Variants in PPFIA2 observed in about 807,000 individuals in gnomAD.
PPFIA2 encodes liprin-alpha-2.
In PPFIA2, 46 loss-of-function variants were observed where a neutral mutation model predicts 175.5. That is an observed-to-expected ratio of 0.26 (90% CI 0.21 to 0.34). The LOEUF (loss-of-function observed/expected upper bound fraction) is 0.34. Among genes scored for constraint, PPFIA2 ranks in the 10% least tolerant of loss-of-function variants. PPFIA2 has a pLI of 1.00. For synonymous variants in PPFIA2, 568 were observed against 511.4 expected, an observed-to-expected ratio of 1.11 and a Z score of -1.49; for missense variants, 1,179 against 1,506.1, an observed-to-expected ratio of 0.78 and a Z score of 3.60.
At chr12:81,746,596 G>C (rs2083098670) in intron 3 of PPFIA2, among the ~76,000 whole-genome samples, 1 of 144,088 alleles carries the variant, frequency 6.9e-6, no homozygotes. Context: ...CTTTTTTGTT[G>C]TTAATTGTAC....
chr12:81,684,885 A>G (rs1408885028), intron 3 of PPFIA2, among the ~76,000 whole-genome samples: 1 of 152,104 alleles, frequency 6.6e-6, no homozygotes, highest in Non-Finnish European at 1.5e-5. Flanking sequence ...GGAAAAATGC[A>G]AAATTATTTA....
chr12:81,497,087 T>A (rs1594015631), intron 4 of PPFIA2, among the ~76,000 whole-genome samples: 1 of 152,332 alleles, frequency 6.6e-6, no homozygotes, highest in East Asian at 1.9e-4. Flanking sequence ...TCAACATATA[T>A]GTCCTAACTC....
intron 7 of PPFIA2, among the ~76,000 whole-genome samples, chr12:81,420,668 T>A (rs977228404): frequency 1.3e-5 from 2 of 151,874 alleles, no homozygotes; most frequent in African/African-American, 2.4e-5. Flanking sequence ...ATCATATCTA[T>A]GGAACACCAT....
chr12:81,304,045 T>G (rs769633488), intron 22 of PPFIA2, among the ~76,000 whole-genome samples: 4 of 152,194 alleles, frequency 2.6e-5, no homozygotes, highest in Non-Finnish European at 4.4e-5. Context: ...TGCCATCACA[T>G]GCCTCCCTGC....
At chr12:81,688,802 A>ATATATATAT (rs5799549) in intron 3 of PPFIA2, among the ~76,000 whole-genome samples, 1 of 140,784 alleles carries the variant, frequency 7.1e-6, no homozygotes. Flanking sequence ...TGGTTTATTA[A>ATATATATAT]ATATATATAT....
chr12:81,437,765 A>G lies in PPFIA2; in HGVS notation c.645+2207T>C, dbSNP rs372267420. Among the ~76,000 whole-genome samples the G allele has an allele frequency of 3.0e-4, 45 of 152,290 alleles. 1 individual carries two copies. Among genetic ancestry groups the G allele is most frequent in the African/African-American group, 1.0e-3 (43 of 41,564 alleles). On this transcript the variant is annotated intron_variant, in intron 7 of 32. Coordinates refer to ENST00000549396, the MANE Select transcript of PPFIA2 (RefSeq NM_003625.5). ...TTAACATTAATAAAATATAATATGAATACACATTTTACGTTTTTTTCTGAT... is the reference window on the plus strand; with the variant it reads ...TTAACATTAATAAAATATAATATGAGTACACATTTTACGTTTTTTTCTGAT...
At chr12:81,704,817 C>T (rs1377380827) in intron 3 of PPFIA2, among the ~76,000 whole-genome samples, 2 of 151,824 alleles carry the variant, frequency 1.3e-5, no homozygotes, top group Non-Finnish European at 2.9e-5. Context: ...GGCACGGTGG[C>T]TCATACCTGT....
chr12:81,461,239 G>A (rs1371255546), intron 4 of PPFIA2, among the ~76,000 whole-genome samples: 1 of 151,934 alleles, frequency 6.6e-6, no homozygotes, highest in Non-Finnish European at 1.5e-5. Context: ...TAACTCCATC[G>A]ACTCCCTATT....
chr12:81,462,979 G>T (rs145320903), intron 4 of PPFIA2, among the ~76,000 whole-genome samples: 1 of 152,076 alleles, frequency 6.6e-6, no homozygotes, highest in African/African-American at 2.4e-5. Flanking sequence ...GAAAGTATGT[G>T]TTTAACTAAT....
At chr12:81,272,494 CT>C (rs1253685883) in intron 28 of PPFIA2, among the ~76,000 whole-genome samples, 2 of 151,938 alleles carry the variant, frequency 1.3e-5, no homozygotes, top group Non-Finnish European at 2.9e-5. Context: ...AGTCTTTATA[CT>C]TTTCACTTCT....
chr12:81,641,555 C>A (rs769434239), intron 4 of PPFIA2, among the ~76,000 whole-genome samples: 3 of 152,076 alleles, frequency 2.0e-5, no homozygotes, highest in African/African-American at 7.2e-5. Context: ...TCTGGAGCCA[C>A]GGGCCACTGC....
chr12:81,315,509 A>G (rs2139338458), intron 22 of PPFIA2, among the ~76,000 whole-genome samples: 1 of 151,818 alleles, frequency 6.6e-6, no homozygotes, highest in Admixed American at 6.6e-5. Context: ...TAAAGATGAT[A>G]GAAGAAAAAG....
chr12:81,481,938 A>G (rs2058281365), intron 4 of PPFIA2, among the ~76,000 whole-genome samples: 1 of 152,212 alleles, frequency 6.6e-6, no homozygotes, highest in Non-Finnish European at 1.5e-5. Flanking sequence ...AGAAACTATC[A>G]TCAGAGTGAA....
intron 4 of PPFIA2, among the ~76,000 whole-genome samples, chr12:81,541,251 G>A (rs1305386879): frequency 1.3e-5 from 2 of 151,838 alleles, no homozygotes; most frequent in African/African-American, 4.8e-5. Context: ...CAGTTCATTG[G>A]CAGGCATTTT....
At chr12:81,268,384 C>T (rs2038068817) in intron 28 of PPFIA2, among the ~76,000 whole-genome samples, 2 of 151,800 alleles carry the variant, frequency 1.3e-5, no homozygotes, top group Admixed American at 6.6e-5. Context: ...GTGATCCGCC[C>T]GCCTCGGCCT....
intron 4 of PPFIA2, among the ~76,000 whole-genome samples, chr12:81,559,842 CT>C (rs2069638478): frequency 6.7e-6 from 1 of 149,950 alleles, no homozygotes; most frequent in Non-Finnish European, 1.5e-5. Context: ...AATCTTCTGT[CT>C]CATTTCCCCC....
intron 22 of PPFIA2, among the ~76,000 whole-genome samples, chr12:81,305,572 C>T (rs2048935870): frequency 1.3e-5 from 2 of 152,166 alleles, no homozygotes; most frequent in Non-Finnish European, 2.9e-5. Flanking sequence ...TTCTGTTCTA[C>T]TGACTTTCTC....
intron 4 of PPFIA2, among the ~76,000 whole-genome samples, chr12:81,466,474 C>A (rs544720146): frequency 6.6e-6 from 1 of 152,208 alleles, no homozygotes; most frequent in Non-Finnish European, 1.5e-5. Context: ...TCAAAATTGT[C>A]AAGCAGTCTC....
At chr12:81,297,908 T>C (rs1281999746) in intron 23 of PPFIA2, among the ~76,000 whole-genome samples, 1 of 152,232 alleles carries the variant, frequency 6.6e-6, no homozygotes, top group Non-Finnish European at 1.5e-5. Flanking sequence ...AGCTCATTCA[T>C]CTTGTTTATT....
Sources: allele counts gnomAD v4.1 joint callset (sites outside exome capture counted in the v4.1 genomes callset), GRCh38; gene constraint gnomAD v4.1.1; transcripts MANE v1.5; gene names NCBI Gene and HGNC (gene_info 2026-07-23, HGNC 2026-07-21).